ENTREP2: variants seen among roughly 807,000 people sequenced by gnomAD.
ENTREP2 encodes endosomal transmembrane epsin interactor 2, also known as protein ENTREP2.
At chr15:29,355,737 T>C in the ENTREP2 span, among the ~76,000 whole-genome samples, 1 of 152,280 alleles carries the variant, frequency 6.6e-6, no homozygotes, top group East Asian at 1.9e-4. Flanking sequence ...GCTACTTTCA[T>C]TTATACACTG....
chr15:29,562,842 G>A, the ENTREP2 span, among the ~76,000 whole-genome samples: 1 of 152,072 alleles, frequency 6.6e-6, no homozygotes, highest in Admixed American at 6.6e-5. Flanking sequence ...CCAGACTGGA[G>A]TGCAGTGGTG....
the ENTREP2 span, among the ~76,000 whole-genome samples, chr15:29,201,750 C>T: frequency 6.6e-6 from 1 of 151,992 alleles, no homozygotes; most frequent in Non-Finnish European, 1.5e-5. Context: ...TTTTTCTATA[C>T]TGTCTTTGTC....
At chr15:29,360,628 C>T in the ENTREP2 span, among the ~76,000 whole-genome samples, 1 of 152,220 alleles carries the variant, frequency 6.6e-6, no homozygotes, top group Non-Finnish European at 1.5e-5. Flanking sequence ...TCAGTTGACA[C>T]ATCACCCTGC....
At chr15:29,208,492 T>C in the ENTREP2 span, among the ~76,000 whole-genome samples, 1 of 152,160 alleles carries the variant, frequency 6.6e-6, no homozygotes, top group Non-Finnish European at 1.5e-5. Flanking sequence ...AGCAATTCTC[T>C]CTGTGCTTCT....
chr15:29,416,677 C>T, the ENTREP2 span, among the ~76,000 whole-genome samples: 1 of 151,950 alleles, frequency 6.6e-6, no homozygotes, highest in South Asian at 2.1e-4. Context: ...AGCTTCTGCA[C>T]GGCAAAAGAA....
the ENTREP2 span, among the ~76,000 whole-genome samples, chr15:29,399,082 T>C: frequency 1.3e-3 from 200 of 152,322 alleles, 1 homozygote; most frequent in African/African-American, 4.3e-3. Context: ...GAGATGCCTC[T>C]AAGAGCTGAG....
the ENTREP2 span, among the ~76,000 whole-genome samples, chr15:29,435,006 C>T: frequency 2.6e-5 from 4 of 152,128 alleles, no homozygotes; most frequent in African/African-American, 9.7e-5. Context: ...CCCAGTGAGA[C>T]TTGTTTCCTG....
At chr15:29,334,936 A>G in the ENTREP2 span, among the ~76,000 whole-genome samples, 1 of 152,230 alleles carries the variant, frequency 6.6e-6, no homozygotes, top group Non-Finnish European at 1.5e-5. Flanking sequence ...TATCCCAGCC[A>G]GGCATGTGAG....
At chr15:29,651,629 C>T in the ENTREP2 span, among the ~76,000 whole-genome samples, 86 of 152,342 alleles carry the variant, frequency 5.6e-4, no homozygotes, top group Non-Finnish European at 1.1e-3. Flanking sequence ...TGCTGCCTGG[C>T]CTCTTCCCAG....
At chr15:29,408,481 T>C in the ENTREP2 span, among the ~76,000 whole-genome samples, 1 of 152,294 alleles carries the variant, frequency 6.6e-6, no homozygotes, top group Admixed American at 6.5e-5. Context: ...GACTCTACAA[T>C]GGTGAGACGG....
the ENTREP2 span, among the ~76,000 whole-genome samples, chr15:29,335,981 C>G: frequency 2.6e-5 from 4 of 151,536 alleles, no homozygotes; most frequent in Admixed American, 2.6e-4. Context: ...CTCTACTAAA[C>G]ATACAAAAAA....
At chr15:29,517,774 T>C in the ENTREP2 span, among the ~76,000 whole-genome samples, 2 of 152,172 alleles carry the variant, frequency 1.3e-5, no homozygotes, top group Admixed American at 1.3e-4. Context: ...GTCATTTTTC[T>C]TCTTCTGTTT....
the ENTREP2 span, among the ~76,000 whole-genome samples, chr15:29,349,507 G>T: frequency 1.3e-5 from 2 of 152,312 alleles, no homozygotes; most frequent in Admixed American, 6.5e-5. Context: ...AAATGATATT[G>T]CAATTTAGGA....
the ENTREP2 span, among the ~76,000 whole-genome samples, chr15:29,627,594 AT>A: frequency 6.6e-6 from 1 of 151,144 alleles, no homozygotes; most frequent in Non-Finnish European, 1.5e-5. Flanking sequence ...CATCTCCAGA[AT>A]TTTTTTCATT....
the ENTREP2 span, among the ~76,000 whole-genome samples, chr15:29,251,190 C>T: frequency 2.6e-5 from 4 of 152,212 alleles, no homozygotes; most frequent in African/African-American, 7.2e-5. Flanking sequence ...CAGAGGGCAA[C>T]TGTGGAGGGA....
the ENTREP2 span, among the ~76,000 whole-genome samples, chr15:29,498,324 C>T: frequency 3.3e-5 from 5 of 152,032 alleles, no homozygotes; most frequent in African/African-American, 1.2e-4. Flanking sequence ...AGTTTTGGTA[C>T]ACTGTGTTTT....
At chr15:29,552,073 C>T in the ENTREP2 span, among the ~76,000 whole-genome samples, 1 of 152,144 alleles carries the variant, frequency 6.6e-6, no homozygotes, top group Non-Finnish European at 1.5e-5. Flanking sequence ...CTAAATTGGA[C>T]AGCATGGAGT....
chr15:29,143,448 T>C, the ENTREP2 span, among the ~76,000 whole-genome samples: 4 of 152,178 alleles, frequency 2.6e-5, no homozygotes, highest in African/African-American at 7.2e-5. Flanking sequence ...CAGGGCTGCC[T>C]TGGGGGCAAA....
At chr15:29,518,614 G>C in the ENTREP2 span, among the ~76,000 whole-genome samples, 1 of 152,290 alleles carries the variant, frequency 6.6e-6, no homozygotes, top group African/African-American at 2.4e-5. Flanking sequence ...CCTGAATCCA[G>C]GGTAGACAGC....
Sources: allele counts gnomAD v4.1 joint callset (sites outside exome capture counted in the v4.1 genomes callset), GRCh38; gene constraint gnomAD v4.1.1; transcripts MANE v1.5; gene names NCBI Gene and HGNC (gene_info 2026-07-23, HGNC 2026-07-21).